Variants in ZBTB7A observed in about 807,000 individuals in gnomAD.
ZBTB7A encodes the protein zinc finger and BTB domain-containing protein 7A.
Under a neutral mutation model 26.7 loss-of-function variants are expected in ZBTB7A, and 7 were observed. That is an observed-to-expected ratio of 0.26 (90% confidence interval 0.15 to 0.49). The LOEUF (loss-of-function observed/expected upper bound fraction) is 0.49. Among genes scored for constraint, ZBTB7A ranks in the 20% least tolerant of loss-of-function variants. ZBTB7A has a pLI of 0.98. For synonymous variants in ZBTB7A, 452 were observed against 441.0 expected (o/e 1.02, Z -0.31); for missense variants, 617 against 919.5 (o/e 0.67, Z 4.25).
Position 4,049,180 on chromosome 19 carries a change from A to ATG in ZBTB7A, c.1263-937_1263-936insCA, listed in dbSNP as rs2040468643. 3.3e-4 allele frequency among the ~76,000 whole-genome samples: 6 copies of ATG among 18,432 alleles called. No homozygotes were observed. In the East Asian group the frequency reaches 0.032, roughly 97 times the overall value. 12.1% of individuals were successfully genotyped at this position (18,432 alleles called of 152,430 possible). A position where few individuals can be genotyped will look rare whatever the true frequency, so the allele number is the denominator to read the frequency against. On this transcript the variant is annotated intron_variant, in intron 2 of 2. Transcript: ENST00000322357. ...TGTGTGTGTGTGTGTATATATATAT[A>ATG]TATATATATATATATATATATATAT...
At chr19:4,053,358 T>G (rs999870703) in intron 2 of ZBTB7A, among the ~76,000 whole-genome samples, 3 of 152,162 alleles carry the variant, frequency 2.0e-5, no homozygotes, top group Admixed American at 1.3e-4. Flanking sequence ...AGGTGGGGTG[T>G]GTCTGTTTGC....
At position 4,048,246 on chromosome 19, in the gene ZBTB7A, T is replaced by C; in HGVS notation, c.1263-2A>G. 6.3e-7 allele frequency: 1 copy of C among 1,581,686 alleles called. No individual in the cohort carries two copies. The highest frequency in any genetic ancestry group is 1.1e-5 in the South Asian group (1 of 88,218). On this transcript the variant is annotated splice_acceptor_variant, in intron 2 of 2. Coordinates refer to ENST00000322357, the MANE Select transcript of ZBTB7A (RefSeq NM_015898.4). LOFTEE classifies it high-confidence loss of function. This position sits in a 1 kb window ranked among gnomAD's most constrained non-coding sequence, Gnocchi z 6.7. ...ATGTGCACCTTCAGCTTGTCCTGCC[T>C]GTGGACGGGGCACGGGGCGGGCACG...
Position 4,054,265 on chromosome 19 carries a change from A to C in ZBTB7A, c.968T>G (p.Met323Arg). ...GLAASTLLQQ[M>R]MSSVGRAGAA... ...CCCCGCCCGGCCCACCGATGACATC[A>C]TCTGCTGCAGCAGCGTGCTGGCCGC... The change falls in exon 2 of 3, where the codon ATG becomes AGG. Residue 323 changes from methionine to arginine, a missense_variant. By Grantham distance (91) the Met-to-Arg change is moderately conservative (BLOSUM62 -1). Around this residue, in one of 5 missense-constraint regions of ZBTB7A, gnomAD observed 331 missense variants for 391.3 expected, o/e 0.85. Transcript: ENST00000322357. 1 of 1,570,766 alleles carries C rather than the reference A, an allele frequency of 6.4e-7. No individual in the cohort carries two copies. The highest frequency in any genetic ancestry group is 8.6e-7 in the Non-Finnish European group (1 of 1,165,654).
Position 4,063,522 on chromosome 19 carries a change from C to T in ZBTB7A, c.-16+3160G>A, listed in dbSNP as rs117029853. Among the ~76,000 whole-genome samples, 1,166 of 152,298 alleles carry T rather than the reference C, an allele frequency of 7.7e-3. 12 individuals are homozygous for T. The highest frequency in any genetic ancestry group is 0.011 in the Admixed American group (173 of 15,302). On this transcript the variant is annotated intron_variant, in intron 1 of 2. Coordinates refer to ENST00000322357, the MANE Select transcript of ZBTB7A (RefSeq NM_015898.4). Reference sequence around the variant, plus strand: ...GGGCCTGCCCGGTGAGGCAGGGAGGCGAGAGGGCTGTGGCTCGTGCTGTGT... The same window carrying T: ...GGGCCTGCCCGGTGAGGCAGGGAGGTGAGAGGGCTGTGGCTCGTGCTGTGT...
intron 1 of ZBTB7A, among the ~76,000 whole-genome samples, chr19:4,055,870 G>T (rs938740341): frequency 6.6e-6 from 1 of 151,942 alleles, no homozygotes; most frequent in Non-Finnish European, 1.5e-5. Context: ...TGATCCAACC[G>T]CCCCTGCCTC....
intron 2 of ZBTB7A, among the ~76,000 whole-genome samples, chr19:4,049,922 C>T (rs1353852948): frequency 9.2e-5 from 14 of 151,788 alleles, no homozygotes; most frequent in Admixed American, 9.2e-4. Context: ...CCACCTGACT[C>T]TTCTATTGTT....
intron 2 of ZBTB7A, among the ~76,000 whole-genome samples, chr19:4,049,376 C>T (rs1241644984): frequency 2.7e-5 from 4 of 150,378 alleles, no homozygotes; most frequent in African/African-American, 7.3e-5. Flanking sequence ...CAGTGGGCTT[C>T]TGCCACTCCA....
At position 4,054,222 on chromosome 19, in the gene ZBTB7A, G is replaced by T; in HGVS notation, c.1011C>A (p.Ser337Arg). Residue 337 changes from serine (S) to arginine (R), a missense_variant, in exon 2 of 3, where the codon AGC becomes AGA. Physicochemically the swap from Ser to Arg is moderately radical, Grantham distance 110. Coordinates refer to ENST00000322357, the MANE Select transcript of ZBTB7A (RefSeq NM_015898.4). ...VGRAGAAAGD[S>R]DEESRADDKG... The stretch of plus-strand genomic sequence containing the variant: ...TGTCGTCGGCCCGCGACTCCTCGTC[G>T]CTGTCCCCCGCCGCGGCCCCCGCCC... The T allele has an allele frequency of 6.3e-7, 1 of 1,583,824 alleles. No individual in the cohort carries two copies. The highest frequency in any genetic ancestry group is 8.5e-7 in the Non-Finnish European group (1 of 1,171,552).
In ZBTB7A at chr19:4,047,529, C is replaced by G; in HGVS notation, c.*223G>C. 1 of 322,688 alleles carries G rather than the reference C, an allele frequency of 3.1e-6. No homozygotes were observed. The highest frequency in any genetic ancestry group is 5.1e-6 in the Non-Finnish European group (1 of 196,284). 20.0% of individuals were successfully genotyped at this position (322,688 alleles called of 1,614,324 possible). A position where few individuals can be genotyped will look rare whatever the true frequency, so the allele number is the denominator to read the frequency against. ...AGGGGAGCCAGGGAGGGCCGGGGCC[C>G]CTGCGGAGGGAGAAAAACGTCAGAA... On this transcript the variant is annotated 3_prime_UTR_variant, in exon 3 of 3. Coordinates refer to ENST00000322357, the MANE Select transcript of ZBTB7A (RefSeq NM_015898.4).
chr19:4,049,166 G>GTATA (rs1186333792), intron 2 of ZBTB7A, among the ~76,000 whole-genome samples: 113 of 13,442 alleles, frequency 8.4e-3, no homozygotes, highest in East Asian at 0.014. Context: ...GTGTGTGTGT[G>GTATA]TGTATATATA....
chr19:4,065,184 G>A (rs2040680332), intron 1 of ZBTB7A, among the ~76,000 whole-genome samples: 1 of 151,766 alleles, frequency 6.6e-6, no homozygotes, highest in African/African-American at 2.4e-5. Context: ...CGGGCCAGAG[G>A]AGACGGGGTC....
Position 4,047,611 on chromosome 19 carries a change from A to C in ZBTB7A, c.*141T>G. 1 of 618,212 alleles carries C rather than the reference A, an allele frequency of 1.6e-6. No homozygotes were observed. The highest frequency in any genetic ancestry group is 2.4e-6 in the Non-Finnish European group (1 of 418,470). The allele number at this position is 618,212 out of a possible 1,614,324, so 38.3% of individuals were successfully genotyped here. A position where few individuals can be genotyped will look rare whatever the true frequency, so the allele number is the denominator to read the frequency against. ...ATTCTGTGACGCGTCATATATATAT[A>C]TCTGTATATATATATATAGATATAG... On this transcript the variant is annotated 3_prime_UTR_variant, in exon 3 of 3. Transcript: ENST00000322357.
chr19:4,053,027 C>A (rs760783485), intron 2 of ZBTB7A, among the ~76,000 whole-genome samples: 6 of 152,238 alleles, frequency 3.9e-5, no homozygotes, highest in Non-Finnish European at 8.8e-5. Context: ...TCACGGGAAA[C>A]TCAGAAGCCG....
intron 1 of ZBTB7A, chr19:4,065,440 G>A (rs1297277546): frequency 6.8e-6 from 1 of 146,476 alleles, no homozygotes; most frequent in Non-Finnish European, 1.5e-5. Context: ...CTCCTTCCCG[G>A]GGCAGCGGCG....
At chr19:4,059,082 C>T (rs1045564070) in intron 1 of ZBTB7A, among the ~76,000 whole-genome samples, 2 of 152,192 alleles carry the variant, frequency 1.3e-5, no homozygotes. Context: ...CACCATCTGC[C>T]GTCTGGCCCT....
Position 4,054,254 on chromosome 19 carries a change from C to G in ZBTB7A, c.979G>C (p.Val327Leu). Residue 327 changes from valine to leucine, a missense_variant, in exon 2 of 3, where the codon GTG (valine) becomes CTG (leucine). Around this residue, in one of 5 missense-constraint regions of ZBTB7A, gnomAD observed 331 missense variants for 391.3 expected, o/e 0.85. Transcript: ENST00000322357. ...CCCGCCGCGGCCCCCGCCCGGCCCA[C>G]CGATGACATCATCTGCTGCAGCAGC... ...STLLQQMMSS[V>L]GRAGAAAGDS... 1 of 1,576,034 alleles carries G rather than the reference C, an allele frequency of 6.3e-7. No homozygotes were observed. The highest frequency in any genetic ancestry group is 1.1e-5 in the South Asian group (1 of 89,044).
chr19:4,048,589 G>A lies in ZBTB7A; in HGVS notation c.1263-345C>T, dbSNP rs1016576912. 4.6e-5 allele frequency among the ~76,000 whole-genome samples: 7 copies of A among 152,098 alleles called. No individual in the cohort carries two copies. Among genetic ancestry groups the A allele is most frequent in the Admixed American group, 4.6e-4 (7 of 15,262 alleles). On this transcript the variant is annotated intron_variant, in intron 2 of 2. Transcript: ENST00000322357. This position sits in a 1 kb window ranked among gnomAD's most constrained non-coding sequence, Gnocchi z 6.7. ...CTCAGGCCTGAAATCCCAGCACTTT[G>A]GGAGGCCGAGGCGGGCGGATCACTT...
rs1296523297 is a variant in ZBTB7A at position 4,052,871 on chromosome 19, C to CT, written c.1262+1099dup. Among the ~76,000 whole-genome samples, 9 of 152,242 alleles carry CT rather than the reference C, an allele frequency of 5.9e-5. No individual in the cohort carries two copies. The highest frequency in any genetic ancestry group is 2.2e-4 in the African/African-American group (9 of 41,466). On this transcript the variant is annotated intron_variant, in intron 2 of 2. Transcript: ENST00000322357. The surrounding 1 kb of genome is among the most constrained non-coding windows in gnomAD (Gnocchi z 4.9). ...GCTGGCCTCAGGGCCTCTGCACTGG[C>CT]TGTTCCCTCTGCCTGGAACGCCCTT...
chr19:4,057,218 C>T (rs186071188), intron 1 of ZBTB7A, among the ~76,000 whole-genome samples: 15 of 151,352 alleles, frequency 9.9e-5, no homozygotes, highest in Non-Finnish European at 2.1e-4. Flanking sequence ...TGTGGTGGCG[C>T]GTGCCTGTAA....
Sources: gnomAD v4.1 joint callset for allele counts (sites outside exome capture counted in the v4.1 genomes callset) on GRCh38, gnomAD v4.1.1 for gene constraint, gnomAD v4.1.1 regional missense constraint, Gnocchi (gnomAD v3.1) non-coding constraint, MANE v1.5 for transcripts, NCBI Gene and HGNC (gene_info 2026-07-23, HGNC 2026-07-21) for gene names.